Variants in SMURF1 observed in about 807,000 individuals in gnomAD.
SMURF1 encodes the protein E3 ubiquitin-protein ligase SMURF1.
Under a neutral mutation model 98.0 loss-of-function variants are expected in SMURF1, and 44 were observed. The observed-to-expected ratio is 0.45, with a 90% CI of 0.35 to 0.58. The LOEUF is 0.58. Ranked by LOEUF, SMURF1 falls within the 20% of genes least tolerant of loss-of-function variation. The probability of loss-of-function intolerance (pLI) is 0.00; values close to 1 mark genes in which losing one functional copy is unlikely to be tolerated. For synonymous variants in SMURF1, 396 were observed against 374.9 expected, an observed-to-expected ratio of 1.06 and a Z score of -0.65; for missense variants, 687 against 938.4, an observed-to-expected ratio of 0.73 and a Z score of 3.50.
Position 99,143,978 on chromosome 7 carries a change from C to G in SMURF1, c.-198G>C. ...CGGGAGATCGGCGCTTGCTGCGGCG[C>G]TCTGACCCTCGCTGCTTCCAGCCGA... On this transcript the variant is annotated 5_prime_UTR_variant, in exon 1 of 18. Transcript: ENST00000361368. 2.4e-6 allele frequency: 1 copy of G among 415,702 alleles called. No individual in the cohort carries two copies. Among genetic ancestry groups the G allele is most frequent in the Non-Finnish European group, 4.1e-6 (1 of 241,010 alleles). 25.8% of individuals were successfully genotyped at this position (415,702 alleles called of 1,614,324 possible).
intron 8 of SMURF1, chr7:99,050,881 C>G (rs1323990471): frequency 2.2e-6 from 3 of 1,347,974 alleles, no homozygotes; most frequent in African/African-American, 4.5e-5. Flanking sequence ...AGAAACTTAA[C>G]TCTGTTATGG....
chr7:99,042,764 T>G (rs1485690773), intron 11 of SMURF1, among the ~76,000 whole-genome samples: 1 of 152,256 alleles, frequency 6.6e-6, no homozygotes, highest in Non-Finnish European at 1.5e-5. Flanking sequence ...AAGAGTCTTC[T>G]ATTCATTCTG....
intron 6 of SMURF1, 99 bp from the exon 7 acceptor site, chr7:99,052,545 T>G (rs1795785275): frequency 7.9e-7 from 1 of 1,271,004 alleles, no homozygotes; most frequent in African/African-American, 1.5e-5. Context: ...TCACATAAAT[T>G]GATTTGCTTT....
At chr7:99,038,185 G>A (rs1795226425) in intron 14 of SMURF1, among the ~76,000 whole-genome samples, 1 of 152,158 alleles carries the variant, frequency 6.6e-6, no homozygotes, top group Admixed American at 6.5e-5. Context: ...GGCCAGGCCT[G>A]GCCCCATCAG....
chr7:99,042,574 CTAAGT>C (rs1355605691), intron 11 of SMURF1, among the ~76,000 whole-genome samples: 4 of 152,304 alleles, frequency 2.6e-5, no homozygotes, highest in African/African-American at 9.6e-5. Flanking sequence ...CACGCTCAGC[CTAAGT>C]TGTTATTTTC....
chr7:99,051,257 A>AT, intron 8 of SMURF1, 100 bp downstream of exon 8: 6 of 1,022,902 alleles, frequency 5.9e-6, no homozygotes, highest in Non-Finnish European at 9.3e-6. Context: ...ATTCATCACT[A>AT]TTTTTAGTTT....
At chr7:99,125,241 G>C (rs1355081481) in intron 1 of SMURF1, among the ~76,000 whole-genome samples, 1 of 152,018 alleles carries the variant, frequency 6.6e-6, no homozygotes, top group Non-Finnish European at 1.5e-5. Flanking sequence ...ACCATGCCTG[G>C]CTAATTTTTT....
chr7:99,047,617 A>T (rs1795625314), intron 10 of SMURF1, 67 bp downstream of exon 10: 3 of 1,530,804 alleles, frequency 2.0e-6, no homozygotes, highest in South Asian at 2.3e-5. Context: ...CGCATTTGAG[A>T]TTCCTTTGTC....
At chr7:99,063,263 A>ATAAGATT (rs1796097152) in intron 1 of SMURF1, among the ~76,000 whole-genome samples, 3 of 8,224 alleles carry the variant, frequency 3.6e-4, no homozygotes, top group Admixed American at 3.0e-3. Context: ...ATATATATAT[A>ATAAGATT]TATATATATA....
At chr7:99,045,136 C>T (rs887583616) in intron 11 of SMURF1, among the ~76,000 whole-genome samples, 2 of 151,212 alleles carry the variant, frequency 1.3e-5, no homozygotes, top group Non-Finnish European at 2.9e-5. Context: ...AAGACCCCGT[C>T]TCAAAAAAGA....
intron 1 of SMURF1, among the ~76,000 whole-genome samples, chr7:99,063,285 A>G (rs1214981997): frequency 4.3e-5 from 1 of 23,104 alleles, no homozygotes; most frequent in Non-Finnish European, 1.1e-4. Context: ...ATATATATAT[A>G]TATATATATA....
At chr7:99,067,355 T>C (rs1796219136) in intron 1 of SMURF1, among the ~76,000 whole-genome samples, 1 of 152,080 alleles carries the variant, frequency 6.6e-6, no homozygotes, top group Admixed American at 6.6e-5. Flanking sequence ...GTTCTGGGGA[T>C]ACAGCAATTA....
chr7:99,124,542 C>T (rs531242695), intron 1 of SMURF1, among the ~76,000 whole-genome samples: 8 of 152,272 alleles, frequency 5.3e-5, no homozygotes, highest in Non-Finnish European at 7.4e-5. Context: ...GAATCTGCCT[C>T]TCTACCTGAA....
Position 99,030,648 on chromosome 7 carries a change from T to C in SMURF1, c.2132A>G (p.Tyr711Cys), listed in dbSNP as rs1584434780. The change falls in exon 18 of 18, where the codon TAT becomes TGT. Residue 711 changes from tyrosine to cysteine, a missense_variant. By Grantham distance (194) the Tyr-to-Cys change is radical. Around this residue, in one of 2 missense-constraint regions of SMURF1, gnomAD observed 272 missense variants for 430.0 expected, o/e 0.63. Coordinates refer to ENST00000361368, the MANE Select transcript of SMURF1 (RefSeq NM_181349.3). ...NRIDIPPYES[Y>C]EKLYEKLLTA... The stretch of plus-strand genomic sequence containing the variant: ...CAGCAGCTTCTCGTAGAGCTTCTCA[T>C]AGGACTCATATGGTGGAATGTCGAT... 1.9e-6 allele frequency: 3 copies of C among 1,614,086 alleles called. No individual in the cohort carries two copies. Among genetic ancestry groups the C allele is most frequent in the Non-Finnish European group, 2.5e-6 (3 of 1,180,010 alleles).
intron 1 of SMURF1, among the ~76,000 whole-genome samples, chr7:99,088,432 C>T (rs557907834): frequency 1.1e-4 from 16 of 152,042 alleles, no homozygotes; most frequent in Middle Eastern, 3.4e-3. Context: ...TCAAGTCCCC[C>T]GTCCCCCTTC....
chr7:99,035,052 T>C (rs1795082536), intron 16 of SMURF1, among the ~76,000 whole-genome samples: 1 of 152,218 alleles, frequency 6.6e-6, no homozygotes, highest in Non-Finnish European at 1.5e-5. Context: ...TCCACCCCAC[T>C]TCCGGCGACC....
chr7:99,124,577 T>G (rs1797707309), intron 1 of SMURF1, among the ~76,000 whole-genome samples: 1 of 152,120 alleles, frequency 6.6e-6, no homozygotes, highest in South Asian at 2.1e-4. Context: ...GCACTTTAGG[T>G]TTGACCTACT....
At chr7:99,139,719 C>G (rs1798072126) in intron 1 of SMURF1, among the ~76,000 whole-genome samples, 1 of 152,050 alleles carries the variant, frequency 6.6e-6, no homozygotes, top group Non-Finnish European at 1.5e-5. Flanking sequence ...TATATTATGC[C>G]CCTAAACCTA....
chr7:99,099,416 T>C (rs1270452180), intron 1 of SMURF1, among the ~76,000 whole-genome samples: 1 of 152,090 alleles, frequency 6.6e-6, no homozygotes, highest in Non-Finnish European at 1.5e-5. Flanking sequence ...TGAACTGAAT[T>C]GATTCTAAGA....
Sources: gnomAD v4.1 joint callset for allele counts (sites outside exome capture counted in the v4.1 genomes callset) on GRCh38, gnomAD v4.1.1 for gene constraint, gnomAD v4.1.1 regional missense constraint, MANE v1.5 for transcripts, NCBI Gene and HGNC (gene_info 2026-07-23, HGNC 2026-07-21) for gene names.